The following NAPB variants were observed in gnomAD, a reference collection of about 807,000 sequenced individuals.
The protein encoded by NAPB is beta-soluble NSF attachment protein.
A neutral mutation model predicts 44.7 loss-of-function variants in NAPB; 26 were observed. That is an observed-to-expected ratio of 0.58 (90% CI 0.43 to 0.81). NAPB has a LOEUF of 0.81. NAPB is among the 30% of genes least tolerant of loss of function. The probability of loss-of-function intolerance (pLI) is 0.00; values close to 1 mark genes in which losing one functional copy is unlikely to be tolerated. For missense variants in NAPB, 315 were observed against 356.4 expected, an observed-to-expected ratio of 0.88 and a Z score of 0.94; for synonymous variants, 120 against 116.8, an observed-to-expected ratio of 1.03 and a Z score of -0.18.
At position 23,403,067 on chromosome 20, in the gene NAPB, T is replaced by C; in HGVS notation, c.104A>G (p.Asn35Ser). The change falls in exon 2 of 11, where the codon AAC (asparagine) becomes AGC (serine). Residue 35 changes from asparagine (N) to serine (S), a missense_variant. Asn to Ser is a conservative substitution (Grantham distance 46). Around this residue, in one of 3 missense-constraint regions of NAPB, gnomAD observed 179 missense variants for 182.5 expected, o/e 0.98. Transcript: ENST00000377026. The stretch of plus-strand genomic sequence containing the variant: ...TTCACAAGCCTCTTCTATTCTTGTG[T>C]TTCCTCTGAGAAAAAGTTAAAAATT... Reference protein sequence around the residue: ...HSFLRGLFGGNTRIEEACEMY... With the variant: ...HSFLRGLFGGSTRIEEACEMY... The C allele has an allele frequency of 6.2e-7, 1 of 1,611,814 alleles. No homozygotes were observed.
chr20:23,394,721 T>C lies in NAPB; in HGVS notation c.420+201A>G, dbSNP rs555725839. On this transcript the variant is annotated intron_variant, in intron 5 of 10. Transcript: ENST00000377026. ...AACAGGTGATCTCTGTAAATCTTAATCAGCTCTCATGTCTTAGATGTCCAC... is the reference window on the plus strand; with the variant it reads ...AACAGGTGATCTCTGTAAATCTTAACCAGCTCTCATGTCTTAGATGTCCAC... 6.5e-4 allele frequency among the ~76,000 whole-genome samples: 99 copies of C among 152,294 alleles called. 1 individual carries two copies. Among genetic ancestry groups the C allele is most frequent in the African/African-American group, 2.3e-3 (95 of 41,530 alleles).
Position 23,380,817 on chromosome 20 carries a change from G to A in NAPB, c.666+396C>T, listed in dbSNP as rs184159198. 1.2e-3 allele frequency: 187 copies of A among 157,104 alleles called. 1 individual carries two copies. Among genetic ancestry groups the A allele is most frequent in the African/African-American group, 4.3e-3 (179 of 41,528 alleles). 9.7% of individuals were successfully genotyped at this position (157,104 alleles called of 1,614,324 possible). On this transcript the variant is annotated intron_variant, in intron 8 of 10. Coordinates refer to ENST00000377026, the MANE Select transcript of NAPB (RefSeq NM_022080.3). ...TGGGTTTACAGATGTGAGCCACCAC[G>A]CCTGGCCCCCTTAATTTCTTTAAAG...
At chr20:23,418,845 A>G (rs756944556) in intron 1 of NAPB, among the ~76,000 whole-genome samples, 2 of 151,472 alleles carry the variant, frequency 1.3e-5, no homozygotes, top group Non-Finnish European at 2.9e-5. Context: ...TACTCAGGAG[A>G]CTGAGGCAGG....
intron 7 of NAPB, among the ~76,000 whole-genome samples, chr20:23,389,231 T>A (rs6137926): frequency 0.088 from 10,193 of 115,368 alleles, 609 homozygotes; most frequent in East Asian, 0.32. Context: ...GACTATTATT[T>A]AAAAAAAAAA....
chr20:23,402,415 T>C (rs1327049220), intron 2 of NAPB, among the ~76,000 whole-genome samples: 3 of 152,214 alleles, frequency 2.0e-5, no homozygotes, highest in African/African-American at 7.2e-5. Context: ...CCTGTGAATT[T>C]TGTTATGCCC....
At chr20:23,386,626 A>G (rs1983546384) in intron 7 of NAPB, among the ~76,000 whole-genome samples, 1 of 152,250 alleles carries the variant, frequency 6.6e-6, no homozygotes, top group South Asian at 2.1e-4. Context: ...GACCCCAATA[A>G]AAACTCAGAA....
rs1431429766 is a variant in NAPB at position 23,374,809 on chromosome 20, G to A, written c.*2567C>T. 1 of 137,834 alleles carries A rather than the reference G, an allele frequency of 7.3e-6. No homozygotes were observed. Among genetic ancestry groups the A allele is most frequent in the Non-Finnish European group, 1.6e-5 (1 of 61,490 alleles). 8.5% of individuals were successfully genotyped at this position (137,834 alleles called of 1,614,324 possible). Reference sequence around the variant, plus strand: ...GACGCCACCACACACGGTCACGACTGTGCAAAAATACTGCTTTCAAATCAT... The same window carrying A: ...GACGCCACCACACACGGTCACGACTATGCAAAAATACTGCTTTCAAATCAT... On this transcript the variant is annotated 3_prime_UTR_variant, in exon 11 of 11. Transcript: ENST00000377026.
chr20:23,386,242 T>G (rs1383268500), intron 7 of NAPB, among the ~76,000 whole-genome samples: 2 of 152,140 alleles, frequency 1.3e-5, no homozygotes, highest in Admixed American at 1.3e-4. Context: ...TAAACTTCCA[T>G]GTCAAGCACC....
intron 7 of NAPB, among the ~76,000 whole-genome samples, chr20:23,386,019 A>G (rs1983491234): frequency 6.6e-6 from 1 of 152,234 alleles, no homozygotes; most frequent in Admixed American, 6.5e-5. Context: ...TAGAAAGATT[A>G]CAGAAAAATC....
At chr20:23,417,549 T>C (rs1449259085) in intron 1 of NAPB, among the ~76,000 whole-genome samples, 1 of 152,150 alleles carries the variant, frequency 6.6e-6, no homozygotes, top group Non-Finnish European at 1.5e-5. Flanking sequence ...CAGTAGTTCA[T>C]TAACATTATA....
In NAPB at chr20:23,379,942, GA is replaced by G; in HGVS notation, c.667-8del. On this transcript the variant is annotated splice_region_variant and splice_polypyrimidine_tract_variant and intron_variant, in intron 8 of 10. Transcript: ENST00000377026. ...CATATTTCTCAAGAGCAAGCTGAGA[GA>G]GAAAAACCACTCATCAATTTCAGAC... 3.7e-6 allele frequency: 6 copies of G among 1,611,178 alleles called. No homozygotes were observed. The highest frequency in any genetic ancestry group is 5.1e-6 in the Non-Finnish European group (6 of 1,178,134).
chr20:23,378,624 T>G (rs1329843440), intron 10 of NAPB, among the ~76,000 whole-genome samples: 44 of 149,290 alleles, frequency 2.9e-4, no homozygotes, highest in Admixed American at 2.6e-3. Context: ...GTATTTTTAG[T>G]AAAGATGGTG....
At position 23,390,274 on chromosome 20, in the gene NAPB, TAC is replaced by T; in HGVS notation, c.421-12_421-11del. ...CATAATGTGCAATAGCCTGAAAACA[TAC>T]ATATTTTATTCACACACAATTTATT... On this transcript the variant is annotated splice_polypyrimidine_tract_variant and intron_variant, in intron 5 of 10. Transcript: ENST00000377026. 1 of 1,602,862 alleles carries T rather than the reference TAC, an allele frequency of 6.2e-7. No homozygotes were observed. Among genetic ancestry groups the T allele is most frequent in the Non-Finnish European group, 8.5e-7 (1 of 1,170,242 alleles).
At chr20:23,379,956 A>G in intron 8 of NAPB, 21 bp from the exon 9 acceptor site, 26 of 1,604,750 alleles carry the variant, frequency 1.6e-5, no homozygotes, top group Non-Finnish European at 2.2e-5. Flanking sequence ...AAAACCACTC[A>G]TCAATTTCAG....
At chr20:23,416,830 C>T (rs1208118853) in intron 1 of NAPB, among the ~76,000 whole-genome samples, 1 of 152,152 alleles carries the variant, frequency 6.6e-6, no homozygotes, top group Non-Finnish European at 1.5e-5. Flanking sequence ...AACTTAAAAG[C>T]AATCTTTGTT....
At chr20:23,385,242 C>A (rs1431535389) in intron 7 of NAPB, among the ~76,000 whole-genome samples, 1 of 151,892 alleles carries the variant, frequency 6.6e-6, no homozygotes. Flanking sequence ...TCAAAAGAAA[C>A]CAGGCAGGGC....
intron 7 of NAPB, 70 bp from the exon 8 acceptor site, chr20:23,381,387 G>T: frequency 1.1e-6 from 1 of 922,988 alleles, no homozygotes; most frequent in Non-Finnish European, 1.6e-6. Context: ...ATTCTCATCT[G>T]TTGTCCTTTA....
At chr20:23,394,581 T>G (rs1460262136) in intron 5 of NAPB, among the ~76,000 whole-genome samples, 1 of 152,158 alleles carries the variant, frequency 6.6e-6, no homozygotes, top group Non-Finnish European at 1.5e-5. Flanking sequence ...GCTGACTGAG[T>G]GTACAGAGGT....
At chr20:23,409,201 T>G (rs1985474647) in intron 1 of NAPB, among the ~76,000 whole-genome samples, 1 of 152,224 alleles carries the variant, frequency 6.6e-6, no homozygotes, top group Admixed American at 6.5e-5. Flanking sequence ...GAGCGCTGTC[T>G]CAGTGGCCTT....
Sources: allele counts gnomAD v4.1 joint callset (sites outside exome capture counted in the v4.1 genomes callset), GRCh38; gene constraint gnomAD v4.1.1; regional missense constraint gnomAD v4.1.1; transcripts MANE v1.5; gene names NCBI Gene and HGNC (gene_info 2026-07-23, HGNC 2026-07-21).